TTLL6: variants seen among roughly 807,000 people sequenced by gnomAD.
TTLL6 encodes tubulin tyrosine ligase like 6.
TTLL6 carries 75 observed loss-of-function variants against 96.4 expected under a neutral mutation model. That is an observed-to-expected ratio of 0.78 (90% CI 0.65 to 0.94). TTLL6 has a LOEUF of 0.94. TTLL6 is among the 40% of genes least tolerant of loss of function. The pLI is 0.00. For missense variants in TTLL6, 1,030 were observed against 1,093.0 expected, an observed-to-expected ratio of 0.94 and a Z score of 0.81; for synonymous variants, 411 against 419.4, an observed-to-expected ratio of 0.98 and a Z score of 0.24.
rs144186265 is a variant in TTLL6 at position 48,807,671 on chromosome 17, C to T, written c.104-2680G>A. Among the ~76,000 whole-genome samples the T allele has an allele frequency of 5.1e-3, 774 of 151,904 alleles. 6 individuals are homozygous for T. Among genetic ancestry groups the T allele is most frequent in the African/African-American group, 0.018 (743 of 41,428 alleles). Reference sequence around the variant, plus strand: ...GGATTACAGGCATGCACCACCACACCCGGCTAACTTTTATATTTTTAGTAG... The same window carrying T: ...GGATTACAGGCATGCACCACCACACTCGGCTAACTTTTATATTTTTAGTAG... On this transcript the variant is annotated intron_variant, in intron 1 of 15. Transcript: ENST00000393382.
chr17:48,776,454 T>G (rs2038874269), intron 13 of TTLL6, among the ~76,000 whole-genome samples: 1 of 152,162 alleles, frequency 6.6e-6, no homozygotes, highest in Non-Finnish European at 1.5e-5. Flanking sequence ...AGCGAGACTC[T>G]GTCTCAAAAA....
At position 48,762,784 on chromosome 17, in the gene TTLL6, G is replaced by A. The variant is rs1295721144; in HGVS notation, c.*190C>T. On this transcript the variant is annotated 3_prime_UTR_variant, in exon 16 of 16. Coordinates refer to ENST00000393382, the MANE Select transcript of TTLL6 (RefSeq NM_001130918.3). The stretch of plus-strand genomic sequence containing the variant: ...GGTCCTGTAGCACTGTAAGCTAACT[G>A]GGAGGGAACAGAGGCAGGGCTGTTG... 5 of 394,210 alleles carry A rather than the reference G, an allele frequency of 1.3e-5. 1 individual carries two copies. Among genetic ancestry groups the A allele is most frequent in the South Asian group, 9.5e-5 (5 of 52,392 alleles). The allele number at this position is 394,210 out of a possible 1,614,324, so 24.4% of individuals were successfully genotyped here.
At chr17:48,788,698 G>A (rs1159556680) in intron 10 of TTLL6, among the ~76,000 whole-genome samples, 2 of 152,170 alleles carry the variant, frequency 1.3e-5, no homozygotes, top group Non-Finnish European at 2.9e-5. Flanking sequence ...TCATTTACCA[G>A]CAGGGTGACC....
intron 1 of TTLL6, among the ~76,000 whole-genome samples, chr17:48,812,908 T>A (rs1271112336): frequency 6.6e-6 from 1 of 152,216 alleles, no homozygotes. Context: ...GTCCTTCTCA[T>A]ATAGCTGGCA....
At chr17:48,816,939 G>T in intron 1 of TTLL6, 31 bp downstream of exon 1, 1 of 1,483,684 alleles carries the variant, frequency 6.7e-7, no homozygotes. Context: ...CTGCGGTCTG[G>T]AGCCAGCACC....
rs1173244705 is a variant in TTLL6 at position 48,787,926 on chromosome 17, C to T, written c.1474G>A (p.Gly492Arg). The T allele has an allele frequency of 6.2e-7, 1 of 1,614,210 alleles. No homozygotes were observed. The highest frequency in any genetic ancestry group is 1.1e-5 in the South Asian group (1 of 91,086). The change falls in exon 11 of 16, where the codon GGG (glycine) becomes AGG (arginine). Residue 492 changes from glycine (G) to arginine (R), a missense_variant. Coordinates refer to ENST00000393382, the MANE Select transcript of TTLL6 (RefSeq NM_001130918.3). The part of the protein sequence containing the change: ...TETYEKENCG[G>R]FRLIYPSLNS... Reference sequence around the variant, plus strand: ...AGACTGGGATAAATCAGTCGGAACCCTCCACAGTTTTCCTTCTCATACGTT... The same window carrying T: ...AGACTGGGATAAATCAGTCGGAACCTTCCACAGTTTTCCTTCTCATACGTT...
intron 3 of TTLL6, among the ~76,000 whole-genome samples, chr17:48,802,143 A>G (rs567577506): frequency 8.1e-6 from 1 of 122,756 alleles, no homozygotes; most frequent in African/African-American, 3.1e-5. Context: ...AGAAAGAAAG[A>G]AAGAAAGAAA....
chr17:48,787,829 G>A lies in TTLL6; in HGVS notation c.1571C>T (p.Ala524Val). 2 of 1,614,024 alleles carry A rather than the reference G, an allele frequency of 1.2e-6. No individual in the cohort carries two copies. The highest frequency in any genetic ancestry group is 1.7e-6 in the Non-Finnish European group (2 of 1,179,938). ...SLFQNTVASR[A>V]REEYARQLIQ... Reference sequence around the variant, plus strand: ...TTCCTACCGGGCATACTCCTCCCGAGCCCTGGAAGCAACAGTATTCTGGAA... The same window carrying A: ...TTCCTACCGGGCATACTCCTCCCGAACCCTGGAAGCAACAGTATTCTGGAA... Residue 524 changes from alanine to valine, a missense_variant, in exon 11 of 16, where the codon GCT becomes GTT. Ala to Val is a moderately conservative substitution (Grantham distance 64). Coordinates refer to ENST00000393382, the MANE Select transcript of TTLL6 (RefSeq NM_001130918.3).
At chr17:48,809,597 G>A (rs1016793614) in intron 1 of TTLL6, among the ~76,000 whole-genome samples, 2 of 152,146 alleles carry the variant, frequency 1.3e-5, no homozygotes, top group African/African-American at 2.4e-5. Context: ...AGTGGCTCAC[G>A]CCTGTAATCC....
At chr17:48,807,505 G>A (rs577678141) in intron 1 of TTLL6, among the ~76,000 whole-genome samples, 30 of 152,200 alleles carry the variant, frequency 2.0e-4, no homozygotes, top group Admixed American at 1.3e-3. Context: ...AAGTTTACAT[G>A]TTTCTGGGTT....
chr17:48,790,782 T>C (rs1362950270), intron 9 of TTLL6, among the ~76,000 whole-genome samples: 3 of 152,164 alleles, frequency 2.0e-5, no homozygotes, highest in Non-Finnish European at 4.4e-5. Context: ...TCACTGCACC[T>C]GGCACTAGCA....
chr17:48,786,851 TGAGA>T (rs386797496), intron 11 of TTLL6, among the ~76,000 whole-genome samples: 49 of 142,710 alleles, frequency 3.4e-4, no homozygotes, highest in African/African-American at 1.2e-3. Context: ...TTTTTTTTTT[TGAGA>T]TGGAGTCTCG....
intron 1 of TTLL6, among the ~76,000 whole-genome samples, chr17:48,809,753 G>A (rs2039552714): frequency 1.3e-5 from 2 of 152,178 alleles, no homozygotes; most frequent in South Asian, 2.1e-4. Flanking sequence ...CTACTCAGGA[G>A]GCTGAGGTAG....
chr17:48,783,667 G>T (rs1340851089), intron 13 of TTLL6, among the ~76,000 whole-genome samples: 2 of 152,242 alleles, frequency 1.3e-5, no homozygotes, highest in Non-Finnish European at 2.9e-5. Flanking sequence ...CTGACCTCCA[G>T]TGATCCATCT....
At chr17:48,777,048 A>C (rs559782048) in intron 13 of TTLL6, among the ~76,000 whole-genome samples, 73 of 148,538 alleles carry the variant, frequency 4.9e-4, no homozygotes, top group Non-Finnish European at 6.1e-4. Flanking sequence ...ACACACACAC[A>C]CCCCTAAAAA....
Position 48,789,979 on chromosome 17 carries a change from T to C in TTLL6, c.1352A>G (p.Glu451Gly), listed in dbSNP as rs762675467. 2.5e-6 allele frequency: 4 copies of C among 1,614,196 alleles called. No homozygotes were observed. The South Asian group carries it at 4.4e-5, about 18-fold the overall frequency. Residue 451 changes from glutamate (E) to glycine (G), a missense_variant, in exon 10 of 16, where the codon GAG becomes GGG. Physicochemically the swap from Glu to Gly is moderately conservative, Grantham distance 98. Coordinates refer to ENST00000393382, the MANE Select transcript of TTLL6 (RefSeq NM_001130918.3). ...CTGCAGGAACTGCCCCCGTTGTCTC[T>C]CCTCCTCCAAGACTTTCTTCTTGTC... ...SCDKKKVLEE[E>G]RQRGQFLQQC...
At chr17:48,771,978 G>A (rs533206397) in intron 13 of TTLL6, among the ~76,000 whole-genome samples, 1 of 152,260 alleles carries the variant, frequency 6.6e-6, no homozygotes, top group African/African-American at 2.4e-5. Context: ...GGGAGGCTGA[G>A]GCAGAGGAAT....
intron 13 of TTLL6, among the ~76,000 whole-genome samples, chr17:48,780,482 T>G (rs570096274): frequency 2.6e-5 from 4 of 152,334 alleles, no homozygotes; most frequent in African/African-American, 9.6e-5. Context: ...TAATCTCTAT[T>G]TTAAATTGTG....
intron 13 of TTLL6, among the ~76,000 whole-genome samples, chr17:48,778,477 G>T (rs1002809805): frequency 6.6e-6 from 1 of 151,670 alleles, no homozygotes; most frequent in African/African-American, 2.4e-5. Flanking sequence ...TCCCACAATG[G>T]AATAGTCAAA....
Sources: gnomAD v4.1 joint callset for allele counts (sites outside exome capture counted in the v4.1 genomes callset) on GRCh38, gnomAD v4.1.1 for gene constraint, MANE v1.5 for transcripts, NCBI Gene and HGNC (gene_info 2026-07-23, HGNC 2026-07-21) for gene names.